FBXL7: variants seen among roughly 807,000 people sequenced by gnomAD.
FBXL7 encodes F-box and leucine rich repeat protein 7.
FBXL7 carries 12 observed loss-of-function variants against 38.3 expected under a neutral mutation model. That is an observed-to-expected ratio of 0.31 (90% CI 0.20 to 0.51). FBXL7 has a LOEUF of 0.51. FBXL7 is among the 20% of genes least tolerant of loss of function. FBXL7 has a pLI of 0.98. For missense variants in FBXL7, 567 were observed against 676.4 expected, an observed-to-expected ratio of 0.84 and a Z score of 1.79; for synonymous variants, 297 against 300.9, an observed-to-expected ratio of 0.99 and a Z score of 0.13.
At chr5:15,745,909 A>T (rs1298110765) in intron 2 of FBXL7, among the ~76,000 whole-genome samples, 2 of 152,190 alleles carry the variant, frequency 1.3e-5, no homozygotes, top group African/African-American at 4.8e-5. Context: ...GCTGCTGTGG[A>T]AGAGAGACTC....
At chr5:15,833,705 C>A (rs982303011) in intron 2 of FBXL7, among the ~76,000 whole-genome samples, 2 of 152,182 alleles carry the variant, frequency 1.3e-5, no homozygotes, top group African/African-American at 4.8e-5. Flanking sequence ...GACCCATATT[C>A]AAGCTAAGAG....
chr5:15,712,531 C>G (rs1743908550), intron 2 of FBXL7, among the ~76,000 whole-genome samples: 1 of 151,978 alleles, frequency 6.6e-6, no homozygotes, highest in African/African-American at 2.4e-5. Flanking sequence ...AAAATATTAT[C>G]AATCTGTTAC....
At chr5:15,617,292 CT>C (rs1247909096) in intron 2 of FBXL7, among the ~76,000 whole-genome samples, 1 of 152,142 alleles carries the variant, frequency 6.6e-6, no homozygotes, top group Non-Finnish European at 1.5e-5. Flanking sequence ...AGTGTTCTTT[CT>C]TTTCAGTGTA....
chr5:15,621,794 T>A (rs1331176053), intron 2 of FBXL7, among the ~76,000 whole-genome samples: 2 of 152,208 alleles, frequency 1.3e-5, no homozygotes, highest in Non-Finnish European at 2.9e-5. Flanking sequence ...GCATGGGCTA[T>A]TAATATGATA....
Position 15,892,128 on chromosome 5 carries a change from A to G in FBXL7, c.128-35762A>G, listed in dbSNP as rs1740927880. The stretch of plus-strand genomic sequence containing the variant: ...TCCTGCAGCACAAAGCGCAGAGCAC[A>G]GAGAAAGCCTGGGGGACAGGGGAAC... On this transcript the variant is annotated intron_variant, in intron 2 of 3. Transcript: ENST00000504595. 2.0e-5 allele frequency among the ~76,000 whole-genome samples: 3 copies of G among 152,368 alleles called. No individual in the cohort carries two copies. In the South Asian group the frequency reaches 6.2e-4, roughly 32 times the overall value.
At chr5:15,729,366 C>G (rs1735511505) in intron 2 of FBXL7, among the ~76,000 whole-genome samples, 1 of 152,032 alleles carries the variant, frequency 6.6e-6, no homozygotes, top group Admixed American at 6.6e-5. Flanking sequence ...TTCTAATAGT[C>G]TTTTGATATT....
chr5:15,542,541 G>T (rs1175847659), intron 1 of FBXL7, among the ~76,000 whole-genome samples: 1 of 152,018 alleles, frequency 6.6e-6, no homozygotes, highest in Non-Finnish European at 1.5e-5. Context: ...TATCTACTAG[G>T]TTCATACGAT....
intron 2 of FBXL7, among the ~76,000 whole-genome samples, chr5:15,858,474 G>T (rs1184584537): frequency 1.3e-5 from 2 of 152,088 alleles, no homozygotes; most frequent in African/African-American, 2.4e-5. Flanking sequence ...CTTCTGTGGT[G>T]GGATCTGAGA....
At chr5:15,513,081 G>GGT (rs1243825699) in intron 1 of FBXL7, among the ~76,000 whole-genome samples, 2 of 152,028 alleles carry the variant, frequency 1.3e-5, no homozygotes, top group African/African-American at 4.8e-5. Context: ...TGATTGGAAT[G>GGT]GTGTCTAGTA....
In FBXL7 at chr5:15,928,963, G is replaced by A. The variant is rs1015608847; in HGVS notation, c.739+462G>A. Reference sequence around the variant, plus strand: ...TCACAGTTACTTCAGAGCAACCATAGATAGTGCAAACAGGGTATCTAAGTG... The same window carrying A: ...TCACAGTTACTTCAGAGCAACCATAAATAGTGCAAACAGGGTATCTAAGTG... On this transcript the variant is annotated intron_variant, in intron 3 of 3. Coordinates refer to ENST00000504595, the MANE Select transcript of FBXL7 (RefSeq NM_012304.5). The surrounding 1 kb of genome is among the most constrained non-coding windows in gnomAD (Gnocchi z 4.0). Among the ~76,000 whole-genome samples, 1 of 152,122 alleles carries A rather than the reference G, an allele frequency of 6.6e-6. No individual in the cohort carries two copies. Among genetic ancestry groups the A allele is most frequent in the Non-Finnish European group, 1.5e-5 (1 of 68,040 alleles).
At chr5:15,688,990 C>T (rs1427680074) in intron 2 of FBXL7, among the ~76,000 whole-genome samples, 1 of 151,606 alleles carries the variant, frequency 6.6e-6, no homozygotes, top group Non-Finnish European at 1.5e-5. Context: ...TCCTCAACTA[C>T]CAAAGACAGA....
intron 2 of FBXL7, among the ~76,000 whole-genome samples, chr5:15,752,561 C>A (rs1198000834): frequency 1.3e-5 from 2 of 151,954 alleles, no homozygotes; most frequent in Non-Finnish European, 2.9e-5. Flanking sequence ...CCCACCAGGA[C>A]CAAGACAAGT....
intron 1 of FBXL7, among the ~76,000 whole-genome samples, chr5:15,605,038 A>G (rs1052291518): frequency 1.3e-5 from 2 of 152,170 alleles, no homozygotes; most frequent in Non-Finnish European, 2.9e-5. Context: ...CTGGCCGTAC[A>G]GCCCTGCTCA....
chr5:15,886,072 A>T (rs1293346071), intron 2 of FBXL7, among the ~76,000 whole-genome samples: 1 of 152,154 alleles, frequency 6.6e-6, no homozygotes, highest in African/African-American at 2.4e-5. Flanking sequence ...ATGTGAATAA[A>T]TTACCAAAAG....
intron 1 of FBXL7, chr5:15,580,671 T>A (rs993161443): frequency 2.4e-5 from 24 of 985,366 alleles, no homozygotes; most frequent in Non-Finnish European, 2.9e-5. Flanking sequence ...ACATGAAAAT[T>A]AACCTCTGGG....
chr5:15,541,443 G>GGATATA (rs1737746681), intron 1 of FBXL7, among the ~76,000 whole-genome samples: 1 of 38,426 alleles, frequency 2.6e-5, no homozygotes, highest in Non-Finnish European at 4.8e-5. Context: ...GTGTGTGTGT[G>GGATATA]TATATATATA....
At chr5:15,929,734 G>A (rs1378655271) in intron 3 of FBXL7, among the ~76,000 whole-genome samples, 4 of 151,978 alleles carry the variant, frequency 2.6e-5, no homozygotes, top group Admixed American at 1.3e-4. Context: ...ACACTTAGGC[G>A]CCAGACATGA....
chr5:15,629,461 T>C (rs1740929358), intron 2 of FBXL7, among the ~76,000 whole-genome samples: 1 of 152,192 alleles, frequency 6.6e-6, no homozygotes, highest in Non-Finnish European at 1.5e-5. Context: ...GTTTTATTAT[T>C]TTATTATGAA....
At position 15,936,805 on chromosome 5, in the gene FBXL7, C is replaced by T. The variant is rs377071413; in HGVS notation, c.1095C>T (p.Asp365=). 150 of 1,612,654 alleles carry T rather than the reference C, an allele frequency of 9.3e-5. No individual in the cohort carries two copies. Among genetic ancestry groups the T allele is most frequent in the Non-Finnish European group, 1.3e-4 (148 of 1,179,534 alleles). ...LSIAHCGRVT[D]VGIRYVAKYC... The stretch of plus-strand genomic sequence containing the variant: ...TCGCGCACTGCGGCCGGGTCACCGA[C>T]GTGGGCATCCGCTACGTGGCCAAGT... The change falls in exon 4 of 4, where the codon GAC becomes GAT. Residue 365 remains aspartate, a synonymous_variant. Coordinates refer to ENST00000504595, the MANE Select transcript of FBXL7 (RefSeq NM_012304.5). This position sits in a 1 kb window ranked among gnomAD's most constrained non-coding sequence, Gnocchi z 6.0.
Sources: gnomAD v4.1 joint callset for allele counts (sites outside exome capture counted in the v4.1 genomes callset) on GRCh38, gnomAD v4.1.1 for gene constraint, Gnocchi (gnomAD v3.1) non-coding constraint, MANE v1.5 for transcripts, NCBI Gene and HGNC (gene_info 2026-07-23, HGNC 2026-07-21) for gene names.